Variants in HTR2C observed in about 807,000 individuals in gnomAD.
HTR2C encodes 5-hydroxytryptamine receptor 2C.
Under a neutral mutation model 21.0 loss-of-function variants are expected in HTR2C, and 5 were observed. The ratio of observed to expected loss-of-function variants is 0.24; its 90% CI spans 0.12 to 0.50. The LOEUF (loss-of-function observed/expected upper bound fraction) is 0.50. Ranked by LOEUF, HTR2C falls within the 20% of genes least tolerant of loss-of-function variation. The pLI is 0.98. For missense variants in HTR2C, 271 were observed against 371.2 expected (o/e 0.73, Z 2.22); for synonymous variants, 150 against 145.3 (o/e 1.03, Z -0.23).
At chrX:114,770,543 A>T (rs1556436811) in intron 4 of HTR2C, among the ~76,000 whole-genome samples, 1 of 111,180 alleles carries the variant, frequency 9.0e-6, no homozygotes, top group Non-Finnish European at 1.9e-5. Flanking sequence ...CAACTTCGGA[A>T]TTTTTGTTCT....
chrX:114,687,811 A>G (rs1556414482), intron 2 of HTR2C, among the ~76,000 whole-genome samples: 1 of 111,719 alleles, frequency 9.0e-6, no homozygotes. Flanking sequence ...TATCAGCTCC[A>G]TTCTTGGGCA....
intron 5 of HTR2C, among the ~76,000 whole-genome samples, chrX:114,869,238 T>A (rs936752407): frequency 9.0e-5 from 10 of 111,562 alleles, no homozygotes; most frequent in Non-Finnish European, 1.9e-4. Context: ...ATCCAGTCTA[T>A]CATTGATGGA....
At chrX:114,794,059 A>G (rs2070263145) in intron 4 of HTR2C, among the ~76,000 whole-genome samples, 1 of 111,363 alleles carries the variant, frequency 9.0e-6, no homozygotes, top group Non-Finnish European at 1.9e-5. Flanking sequence ...TTAGTATTTG[A>G]TTAGTGTTTG....
chrX:114,659,028 A>C (rs1399855718), intron 2 of HTR2C, among the ~76,000 whole-genome samples: 1 of 111,603 alleles, frequency 9.0e-6, no homozygotes. Flanking sequence ...GGGAGGCCTC[A>C]GGAAACTTAC....
chrX:114,826,471 A>G (rs1381093831), intron 4 of HTR2C, among the ~76,000 whole-genome samples: 1 of 112,306 alleles, frequency 8.9e-6, no homozygotes, highest in Non-Finnish European at 1.9e-5. Context: ...ACTTTGTTTC[A>G]TGCACAAAAT....
chrX:114,701,375 A>T, intron 2 of HTR2C, among the ~76,000 whole-genome samples: 1 of 111,138 alleles, frequency 9.0e-6, no homozygotes. Context: ...TTCCAGAGGA[A>T]CAATCAGACA....
chrX:114,797,300 T>C (rs1029061538), intron 4 of HTR2C, among the ~76,000 whole-genome samples: 20 of 111,483 alleles, frequency 1.8e-4, no homozygotes, highest in African/African-American at 6.2e-4. Context: ...GAAATCTATT[T>C]GGTAATATTT....
At chrX:114,586,122 G>T (rs1489877537) in intron 1 of HTR2C, among the ~76,000 whole-genome samples, 3 of 111,948 alleles carry the variant, frequency 2.7e-5, no homozygotes, top group Non-Finnish European at 5.6e-5. Context: ...TGTGTAGTTG[G>T]CTACATATGT....
At chrX:114,660,208 T>C (rs931490534) in intron 2 of HTR2C, among the ~76,000 whole-genome samples, 11 of 112,072 alleles carry the variant, frequency 9.8e-5, no homozygotes, top group African/African-American at 3.6e-4. Context: ...AAGATTCAAA[T>C]TATTATTCAT....
chrX:114,809,164 A>C (rs782619810), intron 4 of HTR2C, among the ~76,000 whole-genome samples: 3 of 110,895 alleles, frequency 2.7e-5, no homozygotes, highest in Non-Finnish European at 3.8e-5. Context: ...TTAGGAATCT[A>C]CCTGGTGCTC....
intron 1 of HTR2C, among the ~76,000 whole-genome samples, chrX:114,594,391 A>T (rs182178522): frequency 9.0e-6 from 1 of 111,325 alleles, no homozygotes; most frequent in Admixed American, 9.6e-5. Flanking sequence ...GAGAAGAGAG[A>T]TGGGTGTAAA....
intron 4 of HTR2C, among the ~76,000 whole-genome samples, chrX:114,825,474 C>T (rs2070670281): frequency 8.9e-6 from 1 of 111,954 alleles, no homozygotes; most frequent in Admixed American, 9.5e-5. Flanking sequence ...TATACTCAGA[C>T]AACACACGTT....
At chrX:114,878,345 A>C (rs1178161573) in intron 5 of HTR2C, among the ~76,000 whole-genome samples, 1 of 110,624 alleles carries the variant, frequency 9.0e-6, no homozygotes, top group Non-Finnish European at 1.9e-5. Context: ...TAGTATAATT[A>C]TCAATAATAG....
intron 2 of HTR2C, among the ~76,000 whole-genome samples, chrX:114,668,925 A>C (rs1213834190): frequency 9.0e-6 from 1 of 111,336 alleles, no homozygotes; most frequent in African/African-American, 3.3e-5. Flanking sequence ...TAACATGTGT[A>C]TATAGTTAAG....
intron 2 of HTR2C, among the ~76,000 whole-genome samples, chrX:114,640,062 A>G (rs1453528301): frequency 9.0e-6 from 1 of 111,657 alleles, no homozygotes; most frequent in Non-Finnish European, 1.9e-5. Context: ...AAATATAATC[A>G]TCATTGAAAT....
intron 4 of HTR2C, among the ~76,000 whole-genome samples, chrX:114,811,647 A>G (rs2070532982): frequency 8.9e-6 from 1 of 112,669 alleles, no homozygotes; most frequent in Non-Finnish European, 1.9e-5. Flanking sequence ...ATGTTACCAT[A>G]TTAAATCTGC....
At chrX:114,889,402 G>A (rs1310857005) in intron 5 of HTR2C, among the ~76,000 whole-genome samples, 1 of 111,925 alleles carries the variant, frequency 8.9e-6, no homozygotes, top group African/African-American at 3.2e-5. Flanking sequence ...AGGTCAGACA[G>A]AAGTGAGAGC....
chrX:114,727,146 G>GA (rs370286271), intron 3 of HTR2C, among the ~76,000 whole-genome samples, 175 bp downstream of exon 3: 1 of 110,198 alleles, frequency 9.1e-6, no homozygotes, highest in Non-Finnish European at 1.9e-5. Context: ...ATAATTAATG[G>GA]AAAAAAAAAT....
At chrX:114,638,056 A>G (rs1292326671) in intron 2 of HTR2C, among the ~76,000 whole-genome samples, 2 of 111,331 alleles carry the variant, frequency 1.8e-5, no homozygotes, top group Non-Finnish European at 3.8e-5. Flanking sequence ...CTCTTTGCCT[A>G]ACTACTAGGC....
Sources: gnomAD v4.1 joint callset for allele counts (sites outside exome capture counted in the v4.1 genomes callset) on GRCh38, gnomAD v4.1.1 for gene constraint, MANE v1.5 for transcripts, NCBI Gene and HGNC (gene_info 2026-07-23, HGNC 2026-07-21) for gene names.